Variants in FBH1 observed in about 807,000 individuals in gnomAD.
The protein encoded by FBH1 is DNA 3'-5' helicase 1.
In FBH1, 43 loss-of-function variants were observed where a neutral mutation model predicts 115.5. The ratio of observed to expected loss-of-function variants is 0.37; its 90% CI spans 0.29 to 0.48. The LOEUF is 0.48. FBH1 is among the 20% of genes least tolerant of loss of function. The probability of loss-of-function intolerance (pLI) is 0.99; values close to 1 mark genes in which losing one functional copy is unlikely to be tolerated. For missense variants in FBH1, 1,001 were observed against 1,337.3 expected, an observed-to-expected ratio of 0.75 and a Z score of 3.92; for synonymous variants, 524 against 507.8, an observed-to-expected ratio of 1.03 and a Z score of -0.43.
intron 2 of FBH1, 100 bp downstream of exon 2, chr10:5,903,275 G>T: frequency 1.1e-6 from 1 of 913,562 alleles, no homozygotes. Flanking sequence ...GCTGCTGTGA[G>T]TTTGTAGTCT....
At chr10:5,902,901 T>G in intron 1 of FBH1, 119 bp from the exon 2 acceptor site, 1 of 906,104 alleles carries the variant, frequency 1.1e-6, no homozygotes, top group Non-Finnish European at 1.6e-6. Context: ...AACGGTTGGC[T>G]GGGGTGTTGA....
Position 5,895,281 on chromosome 10 carries a change from TG to T in FBH1, c.1+4938del. ...GCCCTCTGTGGATCTTTGTTAAAGT[TG>T]GGTATGGTATTGTAGCAGTTTCTCC... On this transcript the variant is annotated intron_variant, in intron 1 of 20. Coordinates refer to ENST00000362091, the MANE Select transcript of FBH1 (RefSeq NM_178150.3). This position sits in a 1 kb window ranked among gnomAD's most constrained non-coding sequence, Gnocchi z 5.0. 1.4e-6 allele frequency: 2 copies of T among 1,409,182 alleles called. No homozygotes were observed. Among genetic ancestry groups the T allele is most frequent in the Non-Finnish European group, 1.9e-6 (2 of 1,045,618 alleles). 87.3% of individuals were successfully genotyped at this position (1,409,182 alleles called of 1,614,324 possible). A position where few individuals can be genotyped will look rare whatever the true frequency, so the allele number is the denominator to read the frequency against.
At position 5,917,732 on chromosome 10, in the gene FBH1, T is replaced by TAC; in HGVS notation, c.1963+56_1963+57insAC. On this transcript the variant is annotated intron_variant, in intron 12 of 20. Coordinates refer to ENST00000362091, the MANE Select transcript of FBH1 (RefSeq NM_178150.3). This position sits in a 1 kb window ranked among gnomAD's most constrained non-coding sequence, Gnocchi z 5.6. The stretch of plus-strand genomic sequence containing the variant: ...CAAATACGTAGAAACAGCGCCATGA[T>TAC]TATGTAAGAGGACACCTGTGTGAAC... 7.4e-7 allele frequency: 1 copy of TAC among 1,343,456 alleles called. No homozygotes were observed. The highest frequency in any genetic ancestry group is 1.2e-5 in the South Asian group (1 of 83,046). The allele number at this position is 1,343,456 out of a possible 1,614,324, so 83.2% of individuals were successfully genotyped here. A position where few individuals can be genotyped will look rare whatever the true frequency, so the allele number is the denominator to read the frequency against.
rs369588567 is a variant in FBH1 at position 5,895,013 on chromosome 10, T to G, written c.1+4667T>G. 39 of 1,591,964 alleles carry G rather than the reference T, an allele frequency of 2.4e-5. No individual in the cohort carries two copies. The highest frequency in any genetic ancestry group is 4.5e-5 in the South Asian group (4 of 89,176). ...CTTTTATGGTGCTGGAGTTGAGAGA[T>G]AACACAGTTAACTGTTGAAATTGGG... On this transcript the variant is annotated intron_variant, in intron 1 of 20. Transcript: ENST00000362091. This position sits in a 1 kb window ranked among gnomAD's most constrained non-coding sequence, Gnocchi z 5.0.
rs768371890 is a variant in FBH1, at chr10:5,918,468, A to G, written c.2090A>G (p.Tyr697Cys). The G allele has an allele frequency of 1.5e-5, 24 of 1,599,930 alleles. No homozygotes were observed. Among genetic ancestry groups the G allele is most frequent in the Admixed American group, 1.3e-4 (7 of 54,966 alleles). ...LFTVPHTHVF[Y>C]LTQSFRFGVE... Reference sequence around the variant, plus strand: ...ACAGTGCCCCACACCCACGTCTTCTATCTCACGCAGGTAAGTGCGCACTCT... The same window carrying G: ...ACAGTGCCCCACACCCACGTCTTCTGTCTCACGCAGGTAAGTGCGCACTCT... Residue 697 changes from tyrosine (Y) to cysteine (C), a missense_variant, in exon 13 of 21, where the codon TAT becomes TGT. Coordinates refer to ENST00000362091, the MANE Select transcript of FBH1 (RefSeq NM_178150.3). The surrounding 1 kb of genome is among the most constrained non-coding windows in gnomAD (Gnocchi z 4.0).
chr10:5,907,598 C>T (rs1195094245), intron 3 of FBH1, among the ~76,000 whole-genome samples: 1 of 151,494 alleles, frequency 6.6e-6, no homozygotes, highest in African/African-American at 2.4e-5. Flanking sequence ...CTTAGCCTCC[C>T]AAGTAGCTGG....
At position 5,915,868 on chromosome 10, in the gene FBH1, T is replaced by G. The variant is rs1831895902; in HGVS notation, c.1565+297T>G. On this transcript the variant is annotated intron_variant, in intron 9 of 20. Transcript: ENST00000362091. The surrounding 1 kb of genome is among the most constrained non-coding windows in gnomAD (Gnocchi z 5.2). Reference sequence around the variant, plus strand: ...CAGAGTCTCACAAATCCTGATCAGTTGTAGGCTTTTCTTGGAAGGGAGTGA... The same window carrying G: ...CAGAGTCTCACAAATCCTGATCAGTGGTAGGCTTTTCTTGGAAGGGAGTGA... The G allele has an allele frequency of 2.1e-6, 1 of 476,212 alleles. No homozygotes were observed. The highest frequency in any genetic ancestry group is 3.8e-6 in the Non-Finnish European group (1 of 264,780). The allele number at this position is 476,212 out of a possible 1,614,324, so 29.5% of individuals were successfully genotyped here.
chr10:5,933,634 ACT>A lies in FBH1; in HGVS notation c.2830-2819_2830-2818del, dbSNP rs1833105441. On this transcript the variant is annotated intron_variant, in intron 19 of 20. Transcript: ENST00000362091. This position sits in a 1 kb window ranked among gnomAD's most constrained non-coding sequence, Gnocchi z 4.9. The stretch of plus-strand genomic sequence containing the variant: ...GTAAGACCTTGTTAGAAGTGGAGGC[ACT>A]CTGCTGTTTTTTTTTTTTTTTTAAA... 6.8e-6 allele frequency among the ~76,000 whole-genome samples: 1 copy of A among 146,372 alleles called. No homozygotes were observed. Among genetic ancestry groups the A allele is most frequent in the Non-Finnish European group, 1.5e-5 (1 of 67,134 alleles).
intron 9 of FBH1, 193 bp from the exon 10 acceptor site, chr10:5,916,041 G>A: frequency 1.7e-6 from 1 of 596,776 alleles, no homozygotes; most frequent in African/African-American, 1.9e-5. Context: ...TTCTGGGTTG[G>A]TACATGTGAG....
rs1832035412 is a variant in FBH1 at position 5,917,436 on chromosome 10, C to T, written c.1805C>T (p.Ala602Val). ...QSEKLNGVLE[A>V]SRLWDNMRKL... ...ACTTCCTAGAATGGTGTCCTTGAAGCGAGCCGCCTCTGGGATAACATGCGG... is the reference window on the plus strand; with the variant it reads ...ACTTCCTAGAATGGTGTCCTTGAAGTGAGCCGCCTCTGGGATAACATGCGG... Residue 602 changes from alanine to valine, a missense_variant, in exon 11 of 21, where the codon GCG (alanine) becomes GTG (valine). Around this residue, in one of 4 missense-constraint regions of FBH1, gnomAD observed 521 missense variants for 811.0 expected, o/e 0.64. Transcript: ENST00000362091. The surrounding 1 kb of genome is among the most constrained non-coding windows in gnomAD (Gnocchi z 5.6). 5.0e-6 allele frequency: 8 copies of T among 1,614,008 alleles called. No individual in the cohort carries two copies. Among genetic ancestry groups the T allele is most frequent in the Middle Eastern group, 3.3e-4 (2 of 6,084 alleles).
chr10:5,919,345 G>A (rs1364423406), intron 13 of FBH1, among the ~76,000 whole-genome samples: 1 of 152,062 alleles, frequency 6.6e-6, no homozygotes, highest in Non-Finnish European at 1.5e-5. Flanking sequence ...AATTAGCCAG[G>A]TGTGGTGGCT....
In FBH1 at chr10:5,921,592, C is replaced by T; in HGVS notation, c.2322+23C>T. 1 of 1,584,362 alleles carries T rather than the reference C, an allele frequency of 6.3e-7. No homozygotes were observed. The highest frequency in any genetic ancestry group is 1.4e-5 in the African/African-American group (1 of 72,922). On this transcript the variant is annotated intron_variant, in intron 15 of 20. Coordinates refer to ENST00000362091, the MANE Select transcript of FBH1 (RefSeq NM_178150.3). This position sits in a 1 kb window ranked among gnomAD's most constrained non-coding sequence, Gnocchi z 6.4. The stretch of plus-strand genomic sequence containing the variant: ...GGGGTAAGAGTACATTTCTGTTGAC[C>T]ACTTCATGCACAGAAACGTTGTAGA...
chr10:5,926,194 C>T (rs1832643653), intron 18 of FBH1, among the ~76,000 whole-genome samples: 1 of 152,198 alleles, frequency 6.6e-6, no homozygotes, highest in South Asian at 2.1e-4. Context: ...GATCTCGGCT[C>T]ACTGCAATCT....
Position 5,924,854 on chromosome 10 carries a change from C to T in FBH1, c.2596+346C>T, listed in dbSNP as rs1373572103. On this transcript the variant is annotated intron_variant, in intron 17 of 20. Transcript: ENST00000362091. The surrounding 1 kb of genome is among the most constrained non-coding windows in gnomAD (Gnocchi z 6.2). ...GTGCTAGAATTACAGGCGTGAGCCA[C>T]TGCGCCCAGCCTCTTCTGCTGTTTC... The T allele has an allele frequency of 7.2e-6, 3 of 417,140 alleles. No individual in the cohort carries two copies. The highest frequency in any genetic ancestry group is 1.4e-5 in the Non-Finnish European group (3 of 210,766). The allele number at this position is 417,140 out of a possible 1,614,324, so 25.8% of individuals were successfully genotyped here. A position where few individuals can be genotyped will look rare whatever the true frequency, so the allele number is the denominator to read the frequency against.
At position 5,937,144 on chromosome 10, in the gene FBH1, G is replaced by A; in HGVS notation, c.2996G>A (p.Cys999Tyr). ...AAGGAAAACAAGGGGGGCTACCTCT[G>A]CCACTCCTGTGCGGAGCAGCGCATC... is the stretch of plus-strand genomic sequence containing the variant. ...NRKENKGGYLCHSCAEQRIGP... is the reference protein window; with the variant it reads ...NRKENKGGYLYHSCAEQRIGP... The change falls in exon 21 of 21, where the codon TGC becomes TAC. Residue 999 changes from cysteine to tyrosine, a missense_variant. Physicochemically the swap from Cys to Tyr is radical, Grantham distance 194. This residue lies in a region of FBH1 where 521 missense variants were observed against 811.0 expected (regional missense o/e 0.64). Transcript: ENST00000362091. The A allele has an allele frequency of 6.2e-7, 1 of 1,612,376 alleles. No homozygotes were observed.
chr10:5,920,265 G>T (rs916323770), intron 13 of FBH1, among the ~76,000 whole-genome samples: 5 of 152,262 alleles, frequency 3.3e-5, no homozygotes, highest in Non-Finnish European at 5.9e-5. Flanking sequence ...CCACAGAGGT[G>T]AAGCGCCATT....
rs1313475782 is a variant in FBH1 at position 5,937,358 on chromosome 10, C to A, written c.*78C>A. ...TGAAGAAAGCCAGCGAGGGGGGCTT[C>A]TGCTCCCTGAGACTCTGGGTTCACC... On this transcript the variant is annotated 3_prime_UTR_variant, in exon 21 of 21. Transcript: ENST00000362091. 4.2e-5 allele frequency: 58 copies of A among 1,392,548 alleles called. No homozygotes were observed. The highest frequency in any genetic ancestry group is 5.1e-5 in the Non-Finnish European group (54 of 1,057,470). The allele number at this position is 1,392,548 out of a possible 1,614,324, so 86.3% of individuals were successfully genotyped here.
At chr10:5,927,637 C>A in intron 19 of FBH1, 96 bp downstream of exon 19, 2 of 887,216 alleles carry the variant, frequency 2.3e-6, no homozygotes, top group Non-Finnish European at 3.5e-6. Context: ...GCCTTCGGAT[C>A]AAGATCCTGG....
In FBH1 at chr10:5,931,286, T is replaced by G. The variant is rs932540928; in HGVS notation, c.2829+3745T>G. On this transcript the variant is annotated intron_variant, in intron 19 of 20. Coordinates refer to ENST00000362091, the MANE Select transcript of FBH1 (RefSeq NM_178150.3). The surrounding 1 kb of genome is among the most constrained non-coding windows in gnomAD (Gnocchi z 4.3). ...TTTGTTGCACAACGGCACCTTTTTC[T>G]TTTTTCTTTTTAACCAGGTATGCAG... Among the ~76,000 whole-genome samples the G allele has an allele frequency of 1.3e-5, 2 of 152,170 alleles. No homozygotes were observed. The highest frequency in any genetic ancestry group is 2.9e-5 in the Non-Finnish European group (2 of 68,026).
Sources: gnomAD v4.1 joint callset for allele counts (sites outside exome capture counted in the v4.1 genomes callset) on GRCh38, gnomAD v4.1.1 for gene constraint, gnomAD v4.1.1 regional missense constraint, Gnocchi (gnomAD v3.1) non-coding constraint, MANE v1.5 for transcripts, NCBI Gene and HGNC (gene_info 2026-07-23, HGNC 2026-07-21) for gene names.